Variants in RFX4 observed in about 807,000 individuals in gnomAD.
The protein encoded by RFX4 is transcription factor RFX4.
A neutral mutation model predicts 95.0 loss-of-function variants in RFX4; 10 were observed. The observed-to-expected ratio is 0.11, with a 90% CI of 0.06 to 0.18. The LOEUF is 0.18. Among genes scored for constraint, RFX4 ranks in the 10% least tolerant of loss-of-function variants. The pLI, the probability that RFX4 is intolerant of heterozygous loss-of-function variation, is 1.00. For synonymous variants in RFX4, 321 were observed against 340.7 expected (o/e 0.94, Z 0.64); for missense variants, 640 against 922.0 (o/e 0.69, Z 3.96).
chr12:106,676,288 AG>A (rs1456061331), intron 4 of RFX4, among the ~76,000 whole-genome samples: 2 of 152,156 alleles, frequency 1.3e-5, no homozygotes, highest in African/African-American at 4.8e-5. Flanking sequence ...GAAGGTGCAG[AG>A]GTATGGACCT....
chr12:106,672,551 A>T (rs923053702), intron 4 of RFX4, among the ~76,000 whole-genome samples: 1 of 152,204 alleles, frequency 6.6e-6, no homozygotes, highest in Non-Finnish European at 1.5e-5. Context: ...TCAAACAGCG[A>T]AGCTCAACTT....
chr12:106,731,439 T>C (rs560889209), intron 13 of RFX4, among the ~76,000 whole-genome samples: 2 of 152,334 alleles, frequency 1.3e-5, no homozygotes, highest in Non-Finnish European at 2.9e-5. Flanking sequence ...GACTGGCATA[T>C]AGGAAAGTCT....
At chr12:106,619,712 A>G (rs1235966832) in intron 2 of RFX4, among the ~76,000 whole-genome samples, 1 of 152,146 alleles carries the variant, frequency 6.6e-6, no homozygotes, top group Non-Finnish European at 1.5e-5. Flanking sequence ...CTGCAGTTAC[A>G]TGAATATTAG....
Position 106,686,893 on chromosome 12 carries a change from C to T in RFX4, c.387C>T (p.Tyr129=), listed in dbSNP as rs201753486. The part of the protein sequence containing the change: ...LGTRGQSKYH[Y]YGIAVKESSQ... ...TCCCCTTGTGGCCCAGGTACCATTACTATGGCATTGCAGTGAAAGAAAGCT... is the reference window on the plus strand; with the variant it reads ...TCCCCTTGTGGCCCAGGTACCATTATTATGGCATTGCAGTGAAAGAAAGCT... The change falls in exon 6 of 18, where the codon TAC becomes TAT. Residue 129 remains tyrosine, a synonymous_variant. Coordinates refer to ENST00000392842, the MANE Select transcript of RFX4 (RefSeq NM_213594.3). 10 of 1,612,094 alleles carry T rather than the reference C, an allele frequency of 6.2e-6. No individual in the cohort carries two copies. In the East Asian group the frequency reaches 1.6e-4, roughly 25 times the overall value.
chr12:106,640,903 C>A (rs2040609427), intron 3 of RFX4, among the ~76,000 whole-genome samples: 1 of 151,700 alleles, frequency 6.6e-6, no homozygotes, highest in African/African-American at 2.4e-5. Flanking sequence ...ACCTCAGCCT[C>A]CCTACTAGCT....
chr12:106,588,955 A>AT (rs1331729149), intron 1 of RFX4, among the ~76,000 whole-genome samples: 6 of 152,200 alleles, frequency 3.9e-5, no homozygotes. Context: ...AAGTGGTGAC[A>AT]TCACAAGTTG....
chr12:106,601,492 G>A (rs2039709491), intron 1 of RFX4: 6 of 723,144 alleles, frequency 8.3e-6, no homozygotes, highest in South Asian at 3.7e-5. Flanking sequence ...CCTAAAATAG[G>A]CCTCAGCACA....
chr12:106,722,186 C>A (rs2042409117), intron 13 of RFX4, among the ~76,000 whole-genome samples: 1 of 152,262 alleles, frequency 6.6e-6, no homozygotes, highest in Non-Finnish European at 1.5e-5. Flanking sequence ...AAAAATCATT[C>A]ATGCAGAACT....
At chr12:106,627,016 T>C (rs2040315137) in intron 2 of RFX4, among the ~76,000 whole-genome samples, 1 of 152,182 alleles carries the variant, frequency 6.6e-6, no homozygotes, top group African/African-American at 2.4e-5. Context: ...CCATGCTGTG[T>C]CCCGTTCCCT....
At chr12:106,677,586 G>T (rs1340013027) in intron 4 of RFX4, among the ~76,000 whole-genome samples, 1 of 152,150 alleles carries the variant, frequency 6.6e-6, no homozygotes, top group Non-Finnish European at 1.5e-5. Flanking sequence ...GCATGTACCT[G>T]CAGTCCTAGC....
intron 2 of RFX4, among the ~76,000 whole-genome samples, chr12:106,634,017 G>A (rs1025442904): frequency 4.6e-5 from 7 of 152,178 alleles, no homozygotes; most frequent in Non-Finnish European, 1.0e-4. Flanking sequence ...ACCCTCACAT[G>A]TTTTAAGTGT....
At chr12:106,621,725 TC>T (rs2040189215) in intron 2 of RFX4, among the ~76,000 whole-genome samples, 1 of 152,194 alleles carries the variant, frequency 6.6e-6, no homozygotes, top group Non-Finnish European at 1.5e-5. Context: ...TACTCTGTCA[TC>T]CCCAAACTCT....
intron 1 of RFX4, among the ~76,000 whole-genome samples, chr12:106,603,401 A>C (rs2039754219): frequency 6.6e-6 from 1 of 152,218 alleles, no homozygotes; most frequent in Non-Finnish European, 1.5e-5. Flanking sequence ...TGGGGTTTCC[A>C]AATCTTCAGT....
At chr12:106,749,872 G>A (rs1022604060) in intron 16 of RFX4, among the ~76,000 whole-genome samples, 3 of 152,184 alleles carry the variant, frequency 2.0e-5, no homozygotes, top group Non-Finnish European at 4.4e-5. Context: ...CCCCCCAGGA[G>A]ACAGCTTACA....
At chr12:106,682,335 C>T (rs1437665118) in intron 5 of RFX4, 5 of 476,336 alleles carry the variant, frequency 1.0e-5, no homozygotes, top group Non-Finnish European at 1.9e-5. Flanking sequence ...TCTTGGGCAT[C>T]ATTGAAAGGA....
chr12:106,667,194 T>A (rs1343462716), intron 4 of RFX4, among the ~76,000 whole-genome samples: 1 of 152,172 alleles, frequency 6.6e-6, no homozygotes, highest in African/African-American at 2.4e-5. Context: ...ATTGGATATT[T>A]CCCTTCTTTC....
chr12:106,669,838 G>GT (rs746514582), intron 4 of RFX4, among the ~76,000 whole-genome samples: 50,863 of 139,848 alleles, frequency 0.36, 8,890 homozygotes, highest in South Asian at 0.4. Context: ...TTTTTTCTAG[G>GT]GGTGTGTGTG....
chr12:106,721,943 A>G (rs758033573), intron 13 of RFX4, among the ~76,000 whole-genome samples: 75 of 152,368 alleles, frequency 4.9e-4, no homozygotes, highest in Non-Finnish European at 4.9e-4. Context: ...AGCCCTGTCC[A>G]TGAAAGACTG....
Position 106,583,302 on chromosome 12 carries a change from T to C in RFX4, c.-19T>C, listed in dbSNP as rs774486999. On this transcript the variant is annotated 5_prime_UTR_variant, in exon 1 of 18. Transcript: ENST00000392842. Reference sequence around the variant, plus strand: ...CATCAGGACTTTTGGGGGGCGCCTGTGCTGTCCATGGGAAGAGCATGCATT... The same window carrying C: ...CATCAGGACTTTTGGGGGGCGCCTGCGCTGTCCATGGGAAGAGCATGCATT... 7.6e-6 allele frequency: 12 copies of C among 1,575,720 alleles called. 1 individual carries two copies. In the Admixed American group the frequency reaches 2.3e-4, roughly 30 times the overall value.
Sources: allele counts gnomAD v4.1 joint callset (sites outside exome capture counted in the v4.1 genomes callset), GRCh38; gene constraint gnomAD v4.1.1; transcripts MANE v1.5; gene names NCBI Gene and HGNC (gene_info 2026-07-23, HGNC 2026-07-21).